Variants in MYO16 observed in about 807,000 individuals in gnomAD.
MYO16 encodes unconventional myosin-XVI.
A neutral mutation model predicts 205.3 loss-of-function variants in MYO16; 94 were observed. The observed-to-expected ratio is 0.46, with a 90% CI of 0.39 to 0.54. The LOEUF (loss-of-function observed/expected upper bound fraction) is 0.54. Ranked by LOEUF, MYO16 falls within the 20% of genes least tolerant of loss-of-function variation. The probability of loss-of-function intolerance (pLI) is 0.00; values close to 1 mark genes in which losing one functional copy is unlikely to be tolerated. For synonymous variants in MYO16, 988 were observed against 954.0 expected, an observed-to-expected ratio of 1.04 and a Z score of -0.66; for missense variants, 2,315 against 2,387.5, an observed-to-expected ratio of 0.97 and a Z score of 0.63.
chr13:108,749,040 T>G (rs545643155), intron 4 of MYO16, among the ~76,000 whole-genome samples: 1 of 152,134 alleles, frequency 6.6e-6, no homozygotes, highest in Non-Finnish European at 1.5e-5. Flanking sequence ...CAGGGTTTTT[T>G]TGACATCTAA....
intron 6 of MYO16, 99 bp from the exon 7 acceptor site, chr13:108,806,580 T>A (rs1169228260): frequency 9.1e-6 from 9 of 989,152 alleles, no homozygotes; most frequent in Non-Finnish European, 1.3e-5. Flanking sequence ...GTATTTTAGA[T>A]CCACCATTTC....
intron 4 of MYO16, among the ~76,000 whole-genome samples, chr13:108,771,252 C>T (rs188300454): frequency 3.5e-4 from 53 of 152,160 alleles, no homozygotes; most frequent in African/African-American, 1.3e-3. Context: ...AAATTTGCTA[C>T]GGAGAGAGAA....
At chr13:109,040,900 T>C (rs940725829) in intron 23 of MYO16, among the ~76,000 whole-genome samples, 1 of 151,950 alleles carries the variant, frequency 6.6e-6, no homozygotes, top group Non-Finnish European at 1.5e-5. Flanking sequence ...GGCAAACAGA[T>C]TGGAAAGGAG....
chr13:108,615,399 C>T (rs925517788), intron 1 of MYO16, among the ~76,000 whole-genome samples: 6 of 151,954 alleles, frequency 3.9e-5, no homozygotes, highest in East Asian at 1.9e-4. Flanking sequence ...GGCAGTTCTG[C>T]GAAATTTTTA....
At chr13:108,569,434 G>A in the MYO16 span, among the ~76,000 whole-genome samples, 1 of 151,918 alleles carries the variant, frequency 6.6e-6, no homozygotes, top group Admixed American at 6.6e-5. Context: ...CAATGGAATT[G>A]CTTTTTTAAT....
At chr13:108,718,164 G>T (rs1047845007) in intron 3 of MYO16, among the ~76,000 whole-genome samples, 1 of 152,052 alleles carries the variant, frequency 6.6e-6, no homozygotes, top group Non-Finnish European at 1.5e-5. Flanking sequence ...AATGTATTTT[G>T]TAAAGAGGCA....
intron 10 of MYO16, among the ~76,000 whole-genome samples, chr13:108,854,807 T>C (rs947299873): frequency 7.9e-5 from 12 of 152,228 alleles, no homozygotes; most frequent in Non-Finnish European, 8.8e-5. Context: ...TCTTTTTTAT[T>C]TGAAATGTTG....
chr13:108,979,267 C>T (rs375352221), intron 20 of MYO16, among the ~76,000 whole-genome samples: 102 of 151,612 alleles, frequency 6.7e-4, no homozygotes, highest in African/African-American at 2.2e-3. Flanking sequence ...AATTCATGAG[C>T]TGAATATTTG....
At chr13:108,680,140 C>T (rs1325788684) in intron 2 of MYO16, among the ~76,000 whole-genome samples, 5 of 152,170 alleles carry the variant, frequency 3.3e-5, no homozygotes, top group Admixed American at 6.5e-5. Context: ...GCAGATGTCA[C>T]AGAGTGTATC....
intron 12 of MYO16, among the ~76,000 whole-genome samples, chr13:108,875,476 T>A (rs1051009533): frequency 2.0e-5 from 3 of 152,138 alleles, no homozygotes; most frequent in Non-Finnish European, 4.4e-5. Flanking sequence ...TGGCATCAGG[T>A]AATGTGTTGC....
chr13:108,594,315 C>T (rs1048858674), upstream of MYO16, among the ~76,000 whole-genome samples: 29 of 152,194 alleles, frequency 1.9e-4, no homozygotes, highest in Admixed American at 1.2e-3. Context: ...AGATGCCCCA[C>T]GATGCCTCAC....
chr13:108,561,768 G>A, the MYO16 span, among the ~76,000 whole-genome samples: 1 of 152,136 alleles, frequency 6.6e-6, no homozygotes, highest in Admixed American at 6.5e-5. Flanking sequence ...GGGAAAAAAT[G>A]CATATTCAAA....
chr13:109,178,887 T>C (rs962363014), intron 33 of MYO16, among the ~76,000 whole-genome samples: 2 of 152,216 alleles, frequency 1.3e-5, no homozygotes, highest in Non-Finnish European at 2.9e-5. Flanking sequence ...GGATAATTAA[T>C]CAAATCATTT....
chr13:108,717,183 C>A (rs778847417), intron 3 of MYO16, among the ~76,000 whole-genome samples: 4 of 152,132 alleles, frequency 2.6e-5, no homozygotes, highest in Non-Finnish European at 5.9e-5. Context: ...ATTGAGAAGG[C>A]GCTCCCAATG....
the MYO16 span, among the ~76,000 whole-genome samples, chr13:108,556,461 C>T: frequency 6.6e-6 from 1 of 152,118 alleles, no homozygotes; most frequent in Non-Finnish European, 1.5e-5. Flanking sequence ...AGATCCTTTG[C>T]CCATTTTAAA....
intron 27 of MYO16, among the ~76,000 whole-genome samples, chr13:109,094,673 CT>C (rs1438793854): frequency 1.3e-5 from 2 of 152,176 alleles, no homozygotes; most frequent in Non-Finnish European, 2.9e-5. Context: ...TATCCCTCCC[CT>C]AGCCCCCAAC....
chr13:109,192,346 T>C (rs1005076070), intron 34 of MYO16, among the ~76,000 whole-genome samples: 4 of 152,232 alleles, frequency 2.6e-5, no homozygotes, highest in African/African-American at 9.6e-5. Context: ...TTTGCTTTTA[T>C]ATTTTGCCTA....
the MYO16 span, among the ~76,000 whole-genome samples, chr13:108,510,473 T>TTTG: frequency 1.7e-4 from 22 of 131,286 alleles, 1 homozygote; most frequent in Admixed American, 1.2e-3. Context: ...TTTTTTTTTT[T>TTTG]TTTTTTTTTT....
chr13:109,042,689 T>G (rs781062194), intron 23 of MYO16, among the ~76,000 whole-genome samples: 12 of 152,238 alleles, frequency 7.9e-5, no homozygotes, highest in Non-Finnish European at 1.5e-4. Context: ...GTCATCTATA[T>G]CTTATGAATA....
Sources: gnomAD v4.1 joint callset for allele counts (sites outside exome capture counted in the v4.1 genomes callset) on GRCh38, gnomAD v4.1.1 for gene constraint, MANE v1.5 for transcripts, NCBI Gene and HGNC (gene_info 2026-07-23, HGNC 2026-07-21) for gene names.